The following CDH4 variants were observed in gnomAD, a reference collection of about 807,000 sequenced individuals.
CDH4 encodes cadherin 4.
A neutral mutation model predicts 86.0 loss-of-function variants in CDH4; 33 were observed. The ratio of observed to expected loss-of-function variants is 0.38; its 90% CI spans 0.29 to 0.51. The LOEUF is 0.51. Ranked by LOEUF, CDH4 falls within the 20% of genes least tolerant of loss-of-function variation. The probability of loss-of-function intolerance (pLI) is 0.86; values close to 1 mark genes in which losing one functional copy is unlikely to be tolerated. For synonymous variants in CDH4, 555 were observed against 549.4 expected (o/e 1.01, Z -0.14); for missense variants, 1,114 against 1,307.4 (o/e 0.85, Z 2.28).
chr20:61,597,141 G>A (rs2145739156), intron 2 of CDH4, among the ~76,000 whole-genome samples: 1 of 152,338 alleles, frequency 6.6e-6, no homozygotes, highest in Non-Finnish European at 1.5e-5. Context: ...TGTTTTCCTG[G>A]CGTGGTGCCC....
chr20:61,658,262 C>A (rs898781107), intron 2 of CDH4, among the ~76,000 whole-genome samples: 6 of 151,980 alleles, frequency 3.9e-5, no homozygotes, highest in African/African-American at 1.5e-4. Flanking sequence ...GCACCTGCAA[C>A]CCCCGAGTCA....
chr20:61,552,883 C>T (rs561072370), intron 2 of CDH4, among the ~76,000 whole-genome samples: 2 of 151,548 alleles, frequency 1.3e-5, no homozygotes, highest in South Asian at 2.1e-4. Context: ...AAAAACTTGT[C>T]ACCTCCTCAA....
chr20:61,416,108 T>TCTCCTG (rs758604056), intron 2 of CDH4, among the ~76,000 whole-genome samples: 71 of 151,618 alleles, frequency 4.7e-4, no homozygotes, highest in Admixed American at 1.6e-3. Flanking sequence ...TTTAAGCAAT[T>TCTCCTG]CTCCTGCCTC....
At chr20:61,293,575 A>C (rs2084335306) in intron 2 of CDH4, among the ~76,000 whole-genome samples, 1 of 152,218 alleles carries the variant, frequency 6.6e-6, no homozygotes, top group Non-Finnish European at 1.5e-5. Flanking sequence ...ATAGCCTTGC[A>C]TGTGTCCCCA....
At chr20:61,883,074 G>A (rs6061880) in intron 7 of CDH4, among the ~76,000 whole-genome samples, 9,629 of 151,862 alleles carry the variant, frequency 0.063, 1,044 homozygotes, top group African/African-American at 0.22. Flanking sequence ...AATGAGAAAT[G>A]AACCCGGCCC....
At position 61,816,383 on chromosome 20, in the gene CDH4, G is replaced by A. The variant is rs539123415; in HGVS notation, c.577-28285G>A. Among the ~76,000 whole-genome samples the A allele has an allele frequency of 1.2e-3, 185 of 152,288 alleles. 4 individuals are homozygous for A. The South Asian group carries it at 0.035, about 29-fold the overall frequency. On this transcript the variant is annotated intron_variant, in intron 4 of 15. Transcript: ENST00000614565. ...CAGCTGAGATTCTTAGGAAAAAAGC[G>A]ATGGAGAATTCTATTTTCCACTTTC...
intron 2 of CDH4, among the ~76,000 whole-genome samples, chr20:61,425,807 A>G (rs1212613998): frequency 2.2e-5 from 3 of 133,778 alleles, no homozygotes; most frequent in African/African-American, 2.9e-5. Flanking sequence ...GGACATTCTC[A>G]AAGGCCCCGC....
intron 2 of CDH4, among the ~76,000 whole-genome samples, chr20:61,714,028 T>G (rs11906204): frequency 0.066 from 8,546 of 128,570 alleles, 542 homozygotes; most frequent in African/African-American, 0.13. Context: ...CTTTTTTTAT[T>G]TTATTTTATT....
In CDH4 at chr20:61,393,212, G is replaced by C. The variant is rs375699095; in HGVS notation, c.169+138275G>C. Among the ~76,000 whole-genome samples, 1 of 152,046 alleles carries C rather than the reference G, an allele frequency of 6.6e-6. No homozygotes were observed. Among genetic ancestry groups the C allele is most frequent in the Non-Finnish European group, 1.5e-5 (1 of 68,014 alleles). ...ACAACACTGTTTAATCGGTCCTCGC[G>C]GGAGCTTCCCTGGGGGTGCAGGACC... On this transcript the variant is annotated intron_variant, in intron 2 of 15. Transcript: ENST00000614565. The surrounding 1 kb of genome is among the most constrained non-coding windows in gnomAD (Gnocchi z 4.3).
At chr20:61,422,466 A>AAAAAAAAAAAAAAAAAC in intron 2 of CDH4, among the ~76,000 whole-genome samples, 1 of 63,320 alleles carries the variant, frequency 1.6e-5, no homozygotes, top group Non-Finnish European at 3.1e-5. Flanking sequence ...AAAAAAAAAA[A>AAAAAAAAAAAAAAAAAC]ACCAAATCTC....
At chr20:61,641,532 C>G (rs1473991864) in intron 2 of CDH4, among the ~76,000 whole-genome samples, 1 of 152,262 alleles carries the variant, frequency 6.6e-6, no homozygotes, top group Non-Finnish European at 1.5e-5. Flanking sequence ...CCTCAGCACC[C>G]TTGGTTTAGC....
intron 2 of CDH4, among the ~76,000 whole-genome samples, chr20:61,728,584 C>T (rs941218364): frequency 2.0e-5 from 3 of 152,102 alleles, no homozygotes; most frequent in African/African-American, 7.2e-5. Context: ...GGGCAGGATA[C>T]CTGTACCTCA....
rs189088970 is a variant in CDH4, at chr20:61,304,842, G to T, written c.169+49905G>T. Among the ~76,000 whole-genome samples the T allele has an allele frequency of 1.6e-3, 242 of 150,944 alleles. 1 individual carries two copies. Among genetic ancestry groups the T allele is most frequent in the African/African-American group, 5.8e-3 (239 of 41,060 alleles). ...GTGTACAGTGTGTCCTTTGTGTTGC[G>T]CATGCAGCACGTGTATTGTGTGTGT... On this transcript the variant is annotated intron_variant, in intron 2 of 15. Transcript: ENST00000614565.
intron 2 of CDH4, among the ~76,000 whole-genome samples, chr20:61,492,983 C>G (rs2085636677): frequency 6.6e-6 from 1 of 152,188 alleles, no homozygotes; most frequent in Non-Finnish European, 1.5e-5. Flanking sequence ...GCTGTCGTGC[C>G]TGTCAGCCTG....
intron 4 of CDH4, among the ~76,000 whole-genome samples, chr20:61,844,165 C>T (rs190004407): frequency 1.8e-4 from 28 of 152,340 alleles, no homozygotes; most frequent in East Asian, 9.6e-4. Context: ...TGTGTCTTTC[C>T]ATTTCCTCCC....
At chr20:61,577,523 C>T (rs1001254560) in intron 2 of CDH4, among the ~76,000 whole-genome samples, 24 of 152,154 alleles carry the variant, frequency 1.6e-4, no homozygotes, top group Admixed American at 3.9e-4. Flanking sequence ...GGATGTTTTT[C>T]ATGTTGAAGG....
chr20:61,416,566 G>T (rs570650074), intron 2 of CDH4, among the ~76,000 whole-genome samples: 100 of 152,320 alleles, frequency 6.6e-4, no homozygotes, highest in African/African-American at 2.3e-3. Context: ...AGTATTGCTG[G>T]AACAGTATTA....
At chr20:61,736,178 C>T (rs965341666) in intron 2 of CDH4, among the ~76,000 whole-genome samples, 2 of 152,190 alleles carry the variant, frequency 1.3e-5, no homozygotes, top group Admixed American at 1.3e-4. Context: ...TGTAGGTTAT[C>T]TCGCTGGCCG....
At chr20:61,439,881 A>G (rs761967716) in intron 2 of CDH4, among the ~76,000 whole-genome samples, 4 of 152,310 alleles carry the variant, frequency 2.6e-5, no homozygotes, top group Non-Finnish European at 5.9e-5. Context: ...ACATGGTGAT[A>G]TTGGGGAAAA....
Sources: allele counts gnomAD v4.1 joint callset (sites outside exome capture counted in the v4.1 genomes callset), GRCh38; gene constraint gnomAD v4.1.1; non-coding constraint Gnocchi (gnomAD v3.1); transcripts MANE v1.5; gene names NCBI Gene and HGNC (gene_info 2026-07-23, HGNC 2026-07-21).